Variants in HEMK2 observed in about 807,000 individuals in gnomAD.
HEMK2 encodes methyltransferase HEMK2.
At chr21:28,636,515 A>G in the HEMK2 span, among the ~76,000 whole-genome samples, 1 of 152,128 alleles carries the variant, frequency 6.6e-6, no homozygotes, top group Middle Eastern at 3.2e-3. Context: ...ATTTCATAAA[A>G]TTAACTACCC....
At chr21:28,868,967 T>A in the HEMK2 span, among the ~76,000 whole-genome samples, 12 of 152,194 alleles carry the variant, frequency 7.9e-5, no homozygotes, top group South Asian at 2.5e-3. Flanking sequence ...TCCTATCCTT[T>A]TCCCTTTCAT....
the HEMK2 span, among the ~76,000 whole-genome samples, chr21:28,819,610 G>A: frequency 6.9e-5 from 10 of 145,326 alleles, no homozygotes; most frequent in Middle Eastern, 3.5e-3. Flanking sequence ...GCAGTGGCGC[G>A]ATCTCGGCTC....
chr21:28,876,522 T>A, the HEMK2 span: 1 of 1,483,506 alleles, frequency 6.7e-7, no homozygotes, highest in Non-Finnish European at 9.3e-7. Context: ...TAAAATCCAT[T>A]AAGCCATTTG....
At chr21:28,883,746 C>CTCT in the HEMK2 span, among the ~76,000 whole-genome samples, 1 of 152,104 alleles carries the variant, frequency 6.6e-6, no homozygotes, top group Non-Finnish European at 1.5e-5. Flanking sequence ...TAGAGACAGG[C>CTCT]TCTTGCTCTG....
At chr21:28,831,634 G>GGAAGGAAAGAAAGAAA in the HEMK2 span, among the ~76,000 whole-genome samples, 1 of 36,466 alleles carries the variant, frequency 2.7e-5, no homozygotes, top group Non-Finnish European at 4.8e-5. Flanking sequence ...AAAGAAGGAA[G>GGAAGGAAAGAAAGAAA]GAAAGAAAGA....
At chr21:28,739,885 A>G in the HEMK2 span, among the ~76,000 whole-genome samples, 34,737 of 152,122 alleles carry the variant, frequency 0.23, 4,601 homozygotes, top group African/African-American at 0.35. Flanking sequence ...TTCCAAACAT[A>G]AGTAGAAATG....
the HEMK2 span, among the ~76,000 whole-genome samples, chr21:28,838,391 GGGCATGGT>G: frequency 0.076 from 11,465 of 151,840 alleles, 502 homozygotes; most frequent in African/African-American, 0.11. Context: ...AAAATTAGCC[GGGCATGGT>G]GGCAGGCGCC....
At chr21:28,794,959 T>C in the HEMK2 span, among the ~76,000 whole-genome samples, 3 of 152,214 alleles carry the variant, frequency 2.0e-5, no homozygotes, top group Admixed American at 2.0e-4. Flanking sequence ...CCTGGTGCCG[T>C]AGCACTTTGA....
chr21:28,876,316 T>C, the HEMK2 span: 1 of 1,076,468 alleles, frequency 9.3e-7, no homozygotes, highest in South Asian at 1.7e-5. Flanking sequence ...TGTTACCTAA[T>C]GAATGACTTC....
the HEMK2 span, among the ~76,000 whole-genome samples, chr21:28,648,750 G>A: frequency 3.3e-5 from 5 of 151,858 alleles, no homozygotes; most frequent in Non-Finnish European, 4.4e-5. Context: ...CTGAATTCAG[G>A]GATTTCCAAA....
At chr21:28,865,747 C>T in the HEMK2 span, among the ~76,000 whole-genome samples, 1 of 152,028 alleles carries the variant, frequency 6.6e-6, no homozygotes, top group African/African-American at 2.4e-5. Context: ...CTCTTTTGCA[C>T]TTGCCTGAAT....
the HEMK2 span, among the ~76,000 whole-genome samples, chr21:28,608,075 G>C: frequency 6.6e-6 from 1 of 152,146 alleles, no homozygotes; most frequent in African/African-American, 2.4e-5. Flanking sequence ...CATTTGGAGG[G>C]ATATGTTAAG....
chr21:28,713,778 T>C, the HEMK2 span, among the ~76,000 whole-genome samples: 2 of 152,254 alleles, frequency 1.3e-5, no homozygotes, highest in African/African-American at 2.4e-5. Flanking sequence ...ATGAACTCTG[T>C]GAAGATGGCA....
the HEMK2 span, among the ~76,000 whole-genome samples, chr21:28,667,997 T>C: frequency 6.6e-6 from 1 of 152,196 alleles, no homozygotes; most frequent in Admixed American, 6.5e-5. Context: ...TCGTACTCTG[T>C]CTGGGAAACA....
the HEMK2 span, among the ~76,000 whole-genome samples, chr21:28,682,963 G>A: frequency 6.6e-6 from 1 of 151,964 alleles, no homozygotes; most frequent in Admixed American, 6.6e-5. Context: ...AAGTTAATGG[G>A]TGCAGCACAC....
At chr21:28,591,352 C>A in the HEMK2 span, among the ~76,000 whole-genome samples, 3 of 152,132 alleles carry the variant, frequency 2.0e-5, no homozygotes, top group Non-Finnish European at 2.9e-5. Flanking sequence ...ACAGTGACTA[C>A]AGACACAGTT....
chr21:28,833,721 G>A, the HEMK2 span, among the ~76,000 whole-genome samples: 1 of 152,202 alleles, frequency 6.6e-6, no homozygotes, highest in African/African-American at 2.4e-5. Context: ...TACAAGCTCA[G>A]GTTTGGACAA....
the HEMK2 span, among the ~76,000 whole-genome samples, chr21:28,744,090 T>C: frequency 6.6e-6 from 1 of 150,874 alleles, no homozygotes; most frequent in Non-Finnish European, 1.5e-5. Flanking sequence ...TACTTGAGGG[T>C]GGGGGCTGGG....
the HEMK2 span, among the ~76,000 whole-genome samples, chr21:28,587,061 C>T: frequency 7.3e-5 from 11 of 151,698 alleles, no homozygotes; most frequent in Admixed American, 7.2e-4. Flanking sequence ...CAAGAAAACC[C>T]AGTAAGAGAC....
Sources: allele counts gnomAD v4.1 joint callset (sites outside exome capture counted in the v4.1 genomes callset), GRCh38; gene constraint gnomAD v4.1.1; transcripts MANE v1.5; gene names NCBI Gene and HGNC (gene_info 2026-07-23, HGNC 2026-07-21).